Variants in DOCK4 observed in about 807,000 individuals in gnomAD.
The protein encoded by DOCK4 is dedicator of cytokinesis protein 4.
DOCK4 carries 97 observed loss-of-function variants against 268.1 expected under a neutral mutation model. The ratio of observed to expected loss-of-function variants is 0.36; its 90% confidence interval spans 0.31 to 0.43. DOCK4 has a LOEUF of 0.43. DOCK4 is among the 20% of genes least tolerant of loss of function. The probability of loss-of-function intolerance (pLI) is 1.00; values close to 1 mark genes in which losing one functional copy is unlikely to be tolerated. For synonymous variants in DOCK4, 954 were observed against 887.2 expected (o/e 1.08, Z -1.34); for missense variants, 2,145 against 2,455.7 (o/e 0.87, Z 2.67).
intron 47 of DOCK4, chr7:111,740,347 C>CA (rs1795823091): frequency 5.0e-6 from 1 of 198,024 alleles, no homozygotes; most frequent in East Asian, 1.7e-4. Context: ...GTGATTCGCT[C>CA]ACCTCGGCCT....
In DOCK4 at chr7:111,769,521, C is replaced by G; in HGVS notation, c.3828+8G>C. On this transcript the variant is annotated splice_region_variant and intron_variant, in intron 37 of 52. Coordinates refer to ENST00000428084, the MANE Select transcript of DOCK4 (RefSeq NM_001363540.2). Reference sequence around the variant, plus strand: ...AGGAGGGACCCCGGGCGGGGCAGGGCCACTTACTTTGCCTCTGTCAAAGTT... The same window carrying G: ...AGGAGGGACCCCGGGCGGGGCAGGGGCACTTACTTTGCCTCTGTCAAAGTT... 1 of 1,613,316 alleles carries G rather than the reference C, an allele frequency of 6.2e-7. No homozygotes were observed.
chr7:112,151,917 G>C lies in DOCK4; in HGVS notation c.37+54185C>G, dbSNP rs575395417. On this transcript the variant is annotated intron_variant, in intron 1 of 52. Transcript: ENST00000428084. Reference sequence around the variant, plus strand: ...AAGGAAGAGCAGCCACACAAAAGCAGAATGTGGAACCATGTATTTTTAACT... The same window carrying C: ...AAGGAAGAGCAGCCACACAAAAGCACAATGTGGAACCATGTATTTTTAACT... Among the ~76,000 whole-genome samples the C allele has an allele frequency of 2.7e-5, 4 of 147,268 alleles. No homozygotes were observed. In the East Asian group the frequency reaches 8.0e-4, roughly 30 times the overall value.
chr7:112,009,171 G>T lies in DOCK4; in HGVS notation c.38-5040C>A, dbSNP rs150027466. On this transcript the variant is annotated intron_variant, in intron 1 of 52. Transcript: ENST00000428084. Reference sequence around the variant, plus strand: ...CCCTTTACAGGCTGACCATCTAAGAGGAATGGAACATAATGCAGGAAAGAA... The same window carrying T: ...CCCTTTACAGGCTGACCATCTAAGATGAATGGAACATAATGCAGGAAAGAA... Among the ~76,000 whole-genome samples the T allele has an allele frequency of 4.3e-3, 660 of 152,312 alleles. 7 individuals carry two copies. Among genetic ancestry groups the T allele is most frequent in the African/African-American group, 0.015 (631 of 41,560 alleles).
At chr7:111,909,264 G>C (rs1418911507) in intron 13 of DOCK4, among the ~76,000 whole-genome samples, 1 of 152,230 alleles carries the variant, frequency 6.6e-6, no homozygotes, top group Non-Finnish European at 1.5e-5. Flanking sequence ...CTAATGACCA[G>C]TGACAATGAA....
chr7:111,910,724 CA>C (rs1274248437), intron 13 of DOCK4, among the ~76,000 whole-genome samples: 4 of 152,170 alleles, frequency 2.6e-5, no homozygotes, highest in African/African-American at 9.7e-5. Context: ...TCTCATAGCC[CA>C]GACCGTGGAA....
intron 37 of DOCK4, among the ~76,000 whole-genome samples, chr7:111,768,396 G>A (rs867161149): frequency 2.0e-5 from 3 of 152,170 alleles, no homozygotes; most frequent in Admixed American, 1.3e-4. Context: ...AGGAAGATGT[G>A]GAAGAAGCAA....
intron 1 of DOCK4, among the ~76,000 whole-genome samples, chr7:112,034,708 T>A (rs1253721329): frequency 6.6e-6 from 1 of 152,196 alleles, no homozygotes; most frequent in African/African-American, 2.4e-5. Context: ...GAGACCAGCC[T>A]GGGCATCATG....
At position 112,132,710 on chromosome 7, in the gene DOCK4, C is replaced by T. The variant is rs752558317; in HGVS notation, c.37+73392G>A. On this transcript the variant is annotated intron_variant, in intron 1 of 52. Transcript: ENST00000428084. ...CTTGGTTATTGGATATTGAAAGTAT[C>T]CAATACAGAAAGTAGGAGGGAACAT... is the stretch of plus-strand genomic sequence containing the variant. 7.4e-4 allele frequency among the ~76,000 whole-genome samples: 113 copies of T among 152,122 alleles called. 1 individual carries two copies. The highest frequency in any genetic ancestry group is 6.8e-3 in the Middle Eastern group (2 of 292).
chr7:112,032,078 T>A (rs1253437398), intron 1 of DOCK4, among the ~76,000 whole-genome samples: 1 of 152,210 alleles, frequency 6.6e-6, no homozygotes, highest in Non-Finnish European at 1.5e-5. Flanking sequence ...CTAGAATTTT[T>A]AATCTTGTTG....
At chr7:112,169,084 TAGTGCTGTTCTCAC>T (rs1817854202) in intron 1 of DOCK4, among the ~76,000 whole-genome samples, 2 of 152,200 alleles carry the variant, frequency 1.3e-5, no homozygotes, top group Non-Finnish European at 2.9e-5. Context: ...TTTGCCCCTT[TAGTGCTGTTCTCAC>T]GATAGTGAGC....
chr7:112,062,791 T>C (rs1318316046), intron 1 of DOCK4, among the ~76,000 whole-genome samples: 1 of 152,206 alleles, frequency 6.6e-6, no homozygotes, highest in African/African-American at 2.4e-5. Context: ...GCGATTCTCC[T>C]GCCTCAGCCT....
chr7:111,984,512 T>C, intron 6 of DOCK4, 122 bp from the exon 7 acceptor site: 1 of 746,172 alleles, frequency 1.3e-6, no homozygotes, highest in Non-Finnish European at 2.2e-6. Flanking sequence ...TTCTCTCACC[T>C]TGTATGACTT....
chr7:112,032,800 A>G (rs1056302783), intron 1 of DOCK4, among the ~76,000 whole-genome samples: 8 of 152,198 alleles, frequency 5.3e-5, no homozygotes, highest in Non-Finnish European at 8.8e-5. Flanking sequence ...ACTACCTTTT[A>G]TTCTAGCTTG....
intron 25 of DOCK4, among the ~76,000 whole-genome samples, chr7:111,843,576 T>C (rs1244044519): frequency 6.6e-6 from 1 of 152,138 alleles, no homozygotes; most frequent in Non-Finnish European, 1.5e-5. Context: ...TAACACCAAA[T>C]GATGATGAGA....
At chr7:112,109,444 C>T (rs1403280986) in intron 1 of DOCK4, among the ~76,000 whole-genome samples, 1 of 152,126 alleles carries the variant, frequency 6.6e-6, no homozygotes, top group African/African-American at 2.4e-5. Flanking sequence ...GTAGAAAAAG[C>T]AGGACTGTTC....
At chr7:111,909,785 G>A (rs1327228362) in intron 13 of DOCK4, among the ~76,000 whole-genome samples, 1 of 151,770 alleles carries the variant, frequency 6.6e-6, no homozygotes, top group African/African-American at 2.4e-5. Context: ...AACATAGGGA[G>A]ATCTGATTTC....
In DOCK4 at chr7:111,958,222, A is replaced by C. The variant is rs1796586457; in HGVS notation, c.702-12424T>G. The stretch of plus-strand genomic sequence containing the variant: ...CCCAACCCTGTGTCAGGCGCACTAC[A>C]AGGTGCTGAAAACATCTAGATGATG... On this transcript the variant is annotated intron_variant, in intron 8 of 52. Transcript: ENST00000428084. 2.0e-5 allele frequency among the ~76,000 whole-genome samples: 3 copies of C among 152,302 alleles called. No homozygotes were observed. In the South Asian group the frequency reaches 6.2e-4, roughly 32 times the overall value.
intron 38 of DOCK4, among the ~76,000 whole-genome samples, chr7:111,765,620 C>T (rs2133637839): frequency 6.6e-6 from 1 of 152,262 alleles, no homozygotes; most frequent in African/African-American, 2.4e-5. Flanking sequence ...TTATTAGAGG[C>T]AAAACTTTTC....
chr7:111,770,394 T>C (rs561146450), intron 36 of DOCK4, among the ~76,000 whole-genome samples: 1 of 152,178 alleles, frequency 6.6e-6, no homozygotes, highest in South Asian at 2.1e-4. Flanking sequence ...TTGCCCCAGA[T>C]GGCCCCACAA....
Sources: allele counts gnomAD v4.1 joint callset (sites outside exome capture counted in the v4.1 genomes callset), GRCh38; gene constraint gnomAD v4.1.1; transcripts MANE v1.5; gene names NCBI Gene and HGNC (gene_info 2026-07-23, HGNC 2026-07-21).